The following PAPSS1 variants were observed in gnomAD, a reference collection of about 807,000 sequenced individuals.
The protein encoded by PAPSS1 is 3'-phosphoadenosine 5'-phosphosulfate synthase 1, also known as bifunctional 3'-phosphoadenosine 5'-phosphosulfate synthase 1.
PAPSS1 carries 50 observed loss-of-function variants against 72.0 expected under a neutral mutation model. That is an observed-to-expected ratio of 0.69 (90% CI 0.55 to 0.88). The LOEUF (loss-of-function observed/expected upper bound fraction) is 0.88. Among genes scored for constraint, PAPSS1 ranks in the 40% least tolerant of loss-of-function variants. The pLI is 0.00. For synonymous variants in PAPSS1, 261 were observed against 263.6 expected (o/e 0.99, Z 0.09); for missense variants, 657 against 782.2 (o/e 0.84, Z 1.91).
At position 107,682,140 on chromosome 4, in the gene PAPSS1, A is replaced by C; in HGVS notation, c.551-7T>G. ...GAATCGATCCCAGTGAAACCTGCAA[A>C]AGGTAACAGATAATAGAGTAGGGTG... On this transcript the variant is annotated splice_region_variant and splice_polypyrimidine_tract_variant and intron_variant, in intron 4 of 11. Coordinates refer to ENST00000265174, the MANE Select transcript of PAPSS1 (RefSeq NM_005443.5). The C allele has an allele frequency of 7.4e-7, 1 of 1,356,930 alleles. No individual in the cohort carries two copies. The highest frequency in any genetic ancestry group is 1.0e-6 in the Non-Finnish European group (1 of 952,450). The allele number at this position is 1,356,930 out of a possible 1,614,324, so 84.1% of individuals were successfully genotyped here.
chr4:107,668,233 G>GA (rs1308387242), intron 5 of PAPSS1, among the ~76,000 whole-genome samples: 1 of 152,084 alleles, frequency 6.6e-6, no homozygotes, highest in African/African-American at 2.4e-5. Context: ...TTCACCTCTG[G>GA]AATCTGTTTC....
intron 5 of PAPSS1, among the ~76,000 whole-genome samples, chr4:107,665,817 T>C (rs754995812): frequency 6.6e-6 from 1 of 152,208 alleles, no homozygotes; most frequent in Non-Finnish European, 1.5e-5. Flanking sequence ...AACAGACAAC[T>C]GTTTTTGTTT....
intron 5 of PAPSS1, among the ~76,000 whole-genome samples, chr4:107,668,426 T>C (rs568081285): frequency 7.9e-5 from 12 of 152,232 alleles, no homozygotes; most frequent in African/African-American, 2.6e-4. Context: ...CTTGATTGGA[T>C]GGAAAGGATA....
chr4:107,700,652 T>C (rs150458816), intron 2 of PAPSS1, among the ~76,000 whole-genome samples: 8 of 152,320 alleles, frequency 5.3e-5, no homozygotes, highest in African/African-American at 1.9e-4. Context: ...AATCCATCTA[T>C]AAAAGGGATT....
chr4:107,626,003 C>T (rs1726086346), intron 11 of PAPSS1, among the ~76,000 whole-genome samples: 1 of 150,780 alleles, frequency 6.6e-6, no homozygotes, highest in African/African-American at 2.4e-5. Context: ...ACAGTGAAAC[C>T]CCATCTCTAC....
At chr4:107,681,714 C>A (rs550157253) in intron 5 of PAPSS1, among the ~76,000 whole-genome samples, 2 of 152,228 alleles carry the variant, frequency 1.3e-5, no homozygotes, top group East Asian at 3.9e-4. Flanking sequence ...CAGGACTGAA[C>A]AATCATGGCT....
In PAPSS1 at chr4:107,626,530, A is replaced by G. The variant is rs534003238; in HGVS notation, c.1736+5101T>C. Among the ~76,000 whole-genome samples the G allele has an allele frequency of 2.0e-5, 3 of 152,326 alleles. No individual in the cohort carries two copies. The South Asian group carries it at 6.2e-4, about 32-fold the overall frequency. On this transcript the variant is annotated intron_variant, in intron 11 of 11. Transcript: ENST00000265174. ...ATTTCCTTTAGTGCCTATTATAACTAATTTGAACCTCCTTAACTTTCTAAA... is the reference window on the plus strand; with the variant it reads ...ATTTCCTTTAGTGCCTATTATAACTGATTTGAACCTCCTTAACTTTCTAAA...
chr4:107,620,247 A>C (rs1213991218), intron 11 of PAPSS1, among the ~76,000 whole-genome samples: 1 of 152,244 alleles, frequency 6.6e-6, no homozygotes, highest in Non-Finnish European at 1.5e-5. Context: ...CTTATAAGTG[A>C]ATCTGTTTTG....
At chr4:107,706,267 A>T (rs552867308) in intron 1 of PAPSS1, among the ~76,000 whole-genome samples, 1 of 152,166 alleles carries the variant, frequency 6.6e-6, no homozygotes, top group African/African-American at 2.4e-5. Flanking sequence ...CCTATACCTC[A>T]ATTTTTGTAC....
At chr4:107,631,999 G>A (rs2110302713) in intron 10 of PAPSS1, 139 bp from the exon 11 acceptor site, 1 of 633,522 alleles carries the variant, frequency 1.6e-6, no homozygotes, top group Non-Finnish European at 2.6e-6. Flanking sequence ...GTATCATCCT[G>A]GGAAGCCAGA....
chr4:107,678,233 A>AAAATAAAAT (rs2110334226), intron 5 of PAPSS1, among the ~76,000 whole-genome samples: 2 of 39,256 alleles, frequency 5.1e-5, no homozygotes, highest in African/African-American at 8.2e-5. Flanking sequence ...CTGAATGTAA[A>AAAATAAAAT]AAATAAAAAA....
At chr4:107,701,362 C>A in intron 1 of PAPSS1, 77 bp from the exon 2 acceptor site, 2 of 908,610 alleles carry the variant, frequency 2.2e-6, no homozygotes, top group Non-Finnish European at 3.5e-6. Flanking sequence ...TGCAAACACA[C>A]AAAAGTCTAT....
At chr4:107,692,294 T>G (rs1441821875) in intron 3 of PAPSS1, among the ~76,000 whole-genome samples, 1 of 151,582 alleles carries the variant, frequency 6.6e-6, no homozygotes, top group Non-Finnish European at 1.5e-5. Flanking sequence ...TTAAGCAAAT[T>G]TACAAGAAAA....
At chr4:107,640,389 A>T in intron 10 of PAPSS1, among the ~76,000 whole-genome samples, 1 of 152,214 alleles carries the variant, frequency 6.6e-6, no homozygotes. Flanking sequence ...CATGGTTCTG[A>T]AAAGCATTTG....
intron 9 of PAPSS1, among the ~76,000 whole-genome samples, chr4:107,646,871 A>G (rs62311615): frequency 0.015 from 2,234 of 152,146 alleles, 32 homozygotes; most frequent in Admixed American, 0.025. Flanking sequence ...ACCATTACCT[A>G]CCTCAGAGGC....
chr4:107,673,437 G>A (rs925763230), intron 5 of PAPSS1, among the ~76,000 whole-genome samples: 2 of 152,130 alleles, frequency 1.3e-5, no homozygotes, highest in Admixed American at 6.5e-5. Flanking sequence ...TAGCCGATTC[G>A]ATCAACTGGA....
chr4:107,673,739 C>A (rs1260547450), intron 5 of PAPSS1, among the ~76,000 whole-genome samples: 4 of 151,516 alleles, frequency 2.6e-5, no homozygotes, highest in African/African-American at 7.3e-5. Flanking sequence ...CCAAGACACA[C>A]AATTGTCAGA....
intron 1 of PAPSS1, among the ~76,000 whole-genome samples, chr4:107,712,743 C>G (rs1462856294): frequency 6.6e-6 from 1 of 151,850 alleles, no homozygotes; most frequent in Non-Finnish European, 1.5e-5. Flanking sequence ...CGTGGTGACA[C>G]GTGCCTATAA....
intron 1 of PAPSS1, among the ~76,000 whole-genome samples, chr4:107,702,926 C>T (rs543779848): frequency 6.6e-6 from 1 of 152,226 alleles, no homozygotes; most frequent in East Asian, 1.9e-4. Flanking sequence ...TTTTGAGGAA[C>T]CTCCATATTG....
Sources: allele counts gnomAD v4.1 joint callset (sites outside exome capture counted in the v4.1 genomes callset), GRCh38; gene constraint gnomAD v4.1.1; transcripts MANE v1.5; gene names NCBI Gene and HGNC (gene_info 2026-07-23, HGNC 2026-07-21).